Variants in ASIC2 observed in about 807,000 individuals in gnomAD.
ASIC2 encodes acid sensing ion channel subunit 2, also known as acid-sensing ion channel 2.
In ASIC2, 25 loss-of-function variants were observed where a neutral mutation model predicts 57.3. The observed-to-expected ratio is 0.44, with a 90% CI of 0.32 to 0.61. The LOEUF (loss-of-function observed/expected upper bound fraction) is 0.61, where lower values mean the gene tolerates loss of function less well. Ranked by LOEUF, ASIC2 falls within the 20% of genes least tolerant of loss-of-function variation. The probability of loss-of-function intolerance (pLI) is 0.06; values close to 1 mark genes in which losing one functional copy is unlikely to be tolerated. For missense variants in ASIC2, 641 were observed against 738.1 expected, an observed-to-expected ratio of 0.87 and a Z score of 1.52; for synonymous variants, 319 against 307.5, an observed-to-expected ratio of 1.04 and a Z score of -0.39.
intron 1 of ASIC2, among the ~76,000 whole-genome samples, chr17:33,280,729 C>T (rs1330885546): frequency 6.6e-6 from 1 of 152,210 alleles, no homozygotes; most frequent in Non-Finnish European, 1.5e-5. Flanking sequence ...CGTCTCACTC[C>T]AGAGCCTTTG....
chr17:33,107,666 T>C (rs2092240489), intron 2 of ASIC2, among the ~76,000 whole-genome samples: 1 of 152,246 alleles, frequency 6.6e-6, no homozygotes, highest in South Asian at 2.1e-4. Flanking sequence ...AGTCATTGTC[T>C]ACTCACTAAC....
chr17:33,404,590 T>C (rs1431800100), intron 1 of ASIC2, among the ~76,000 whole-genome samples: 2 of 152,194 alleles, frequency 1.3e-5, no homozygotes, highest in Non-Finnish European at 2.9e-5. Context: ...AGAGCTCAGT[T>C]TTGACCTGAC....
intron 1 of ASIC2, among the ~76,000 whole-genome samples, chr17:33,876,302 G>A (rs1159471566): frequency 6.6e-6 from 1 of 152,182 alleles, no homozygotes; most frequent in Non-Finnish European, 1.5e-5. Context: ...CACCCACATG[G>A]AATTGCCCAC....
chr17:33,220,816 C>G (rs2142097258), intron 1 of ASIC2, among the ~76,000 whole-genome samples: 1 of 152,182 alleles, frequency 6.6e-6, no homozygotes, highest in Non-Finnish European at 1.5e-5. Flanking sequence ...ACCTGTAATC[C>G]CAGTACTTTG....
intron 1 of ASIC2, among the ~76,000 whole-genome samples, chr17:33,943,232 G>A (rs769124184): frequency 4.6e-5 from 7 of 152,214 alleles, no homozygotes; most frequent in African/African-American, 1.7e-4. Flanking sequence ...CCCCTGCAAG[G>A]GGGAAAGAGG....
At chr17:33,262,755 A>G (rs1436922653) in intron 1 of ASIC2, among the ~76,000 whole-genome samples, 5 of 152,174 alleles carry the variant, frequency 3.3e-5, no homozygotes, top group Admixed American at 3.3e-4. Flanking sequence ...GCAAATAAAC[A>G]TGTAATCACA....
chr17:33,852,556 T>G (rs1913800283), intron 1 of ASIC2, among the ~76,000 whole-genome samples: 1 of 152,200 alleles, frequency 6.6e-6, no homozygotes, highest in South Asian at 2.1e-4. Flanking sequence ...CTTAATAATT[T>G]TGAACTTACA....
At chr17:33,441,866 G>A (rs75290294) in intron 1 of ASIC2, among the ~76,000 whole-genome samples, 10,804 of 152,056 alleles carry the variant, frequency 0.071, 476 homozygotes, top group Middle Eastern at 0.11. Context: ...AGCCTCCTCC[G>A]TCAAATAAAA....
chr17:34,095,274 G>A (rs904179380), intron 1 of ASIC2, among the ~76,000 whole-genome samples: 4 of 152,232 alleles, frequency 2.6e-5, no homozygotes, highest in South Asian at 2.1e-4. Context: ...AGCCTGGCTC[G>A]GACTAAGGGA....
intron 1 of ASIC2, among the ~76,000 whole-genome samples, chr17:33,916,423 C>A (rs1040911976): frequency 3.3e-5 from 5 of 152,130 alleles, no homozygotes; most frequent in Admixed American, 1.3e-4. Flanking sequence ...TGGAGAGAAC[C>A]AAAGTAGGAT....
chr17:34,121,545 G>A (rs1911620427), intron 1 of ASIC2, among the ~76,000 whole-genome samples: 1 of 152,110 alleles, frequency 6.6e-6, no homozygotes, highest in South Asian at 2.1e-4. Flanking sequence ...ATATTCAAGT[G>A]CCCTCCAATC....
intron 1 of ASIC2, among the ~76,000 whole-genome samples, chr17:33,926,439 G>A (rs1349575704): frequency 6.6e-6 from 1 of 152,084 alleles, no homozygotes; most frequent in Non-Finnish European, 1.5e-5. Context: ...AAATTTATAT[G>A]TGTTTTAATA....
chr17:33,372,396 A>C (rs907139054), intron 1 of ASIC2, among the ~76,000 whole-genome samples: 2 of 152,114 alleles, frequency 1.3e-5, no homozygotes, highest in Non-Finnish European at 2.9e-5. Context: ...AGGACATAGG[A>C]TCAAAGCTCT....
In ASIC2 at chr17:33,269,907, C is replaced by T. The variant is rs140016788; in HGVS notation, c.708+21501G>A. The stretch of plus-strand genomic sequence containing the variant: ...TTTAGGGAGAGCAGAGGAATAGTTC[C>T]GTATCTGAGCCCACTGCCTCCAGCC... On this transcript the variant is annotated intron_variant, in intron 1 of 9. Transcript: ENST00000225823. Among the ~76,000 whole-genome samples the T allele has an allele frequency of 1.3e-3, 198 of 152,304 alleles. No individual in the cohort carries two copies. The Middle Eastern group carries it at 0.017, about 13-fold the overall frequency.
At chr17:33,880,460 C>T (rs188180846) in intron 1 of ASIC2, among the ~76,000 whole-genome samples, 1 of 152,284 alleles carries the variant, frequency 6.6e-6, no homozygotes, top group Non-Finnish European at 1.5e-5. Context: ...AAACTACCAT[C>T]AGAGAATACT....
intron 1 of ASIC2, among the ~76,000 whole-genome samples, chr17:33,328,084 A>G (rs1256176984): frequency 1.3e-5 from 2 of 152,208 alleles, no homozygotes; most frequent in African/African-American, 2.4e-5. Context: ...TTAGATTTCT[A>G]TCTCCAGAAC....
chr17:33,285,956 T>A (rs138961465), intron 1 of ASIC2, among the ~76,000 whole-genome samples: 1 of 152,334 alleles, frequency 6.6e-6, no homozygotes, highest in African/African-American at 2.4e-5. Flanking sequence ...ATAGCTCACA[T>A]TTCCTGAGTG....
At chr17:33,881,615 T>G (rs1914702382) in intron 1 of ASIC2, among the ~76,000 whole-genome samples, 3 of 151,990 alleles carry the variant, frequency 2.0e-5, no homozygotes, top group Non-Finnish European at 4.4e-5. Context: ...TAAAAGAGGA[T>G]ACAAACAAAT....
In ASIC2 at chr17:33,239,505, GT is replaced by G. The variant is rs1908426311; in HGVS notation, c.708+51902del. On this transcript the variant is annotated intron_variant, in intron 1 of 9. Coordinates refer to ENST00000225823, the MANE Select transcript of ASIC2 (RefSeq NM_183377.2). The stretch of plus-strand genomic sequence containing the variant: ...GAAAACTCTGCAGGACAGAGAATTT[GT>G]TTTTTGTCTCTTTTGCTTTCTGCTA... Among the ~76,000 whole-genome samples, 12 of 152,288 alleles carry G rather than the reference GT, an allele frequency of 7.9e-5. 1 individual carries two copies. The South Asian group carries it at 2.5e-3, about 32-fold the overall frequency.
Sources: allele counts gnomAD v4.1 joint callset (sites outside exome capture counted in the v4.1 genomes callset), GRCh38; gene constraint gnomAD v4.1.1; transcripts MANE v1.5; gene names NCBI Gene and HGNC (gene_info 2026-07-23, HGNC 2026-07-21).